EPB41L3: variants seen among roughly 807,000 people sequenced by gnomAD.
EPB41L3 encodes the protein erythrocyte membrane protein band 4.1 like 3.
In EPB41L3, 57 loss-of-function variants were observed where a neutral mutation model predicts 127.1. The observed-to-expected ratio is 0.45, with a 90% CI of 0.36 to 0.56. The LOEUF is 0.56. EPB41L3 is among the 20% of genes least tolerant of loss of function. EPB41L3 has a pLI of 0.00. For synonymous variants in EPB41L3, 572 were observed against 549.5 expected, an observed-to-expected ratio of 1.04 and a Z score of -0.57; for missense variants, 1,273 against 1,372.2, an observed-to-expected ratio of 0.93 and a Z score of 1.14.
chr18:5,504,560 G>A (rs2091997608), intron 1 of EPB41L3, among the ~76,000 whole-genome samples: 1 of 152,116 alleles, frequency 6.6e-6, no homozygotes, highest in Non-Finnish European at 1.5e-5. Context: ...TAGGAACCCA[G>A]CATTTTTACA....
At chr18:5,452,782 TTGTGTGTG>T (rs72378439) in intron 3 of EPB41L3, among the ~76,000 whole-genome samples, 32 of 150,864 alleles carry the variant, frequency 2.1e-4, no homozygotes, top group Admixed American at 5.3e-4. Context: ...TAAAAATTTG[TTGTGTGTG>T]TGTGTGTGTG....
intron 1 of EPB41L3, chr18:5,540,535 C>T (rs1598820925): frequency 1.8e-5 from 18 of 985,498 alleles, no homozygotes; most frequent in Non-Finnish European, 2.2e-5. Context: ...GAATTCCCCA[C>T]AGCCAAGGCA....
chr18:5,467,481 G>C (rs886293879), intron 3 of EPB41L3: 1 of 152,114 alleles, frequency 6.6e-6, no homozygotes, highest in Non-Finnish European at 1.5e-5. Context: ...TTATTAAAAC[G>C]GGATACCCAC....
chr18:5,497,693 C>T (rs1034373590), intron 1 of EPB41L3, among the ~76,000 whole-genome samples: 3 of 152,220 alleles, frequency 2.0e-5, no homozygotes, highest in Non-Finnish European at 2.9e-5. Flanking sequence ...ATCAGCAATA[C>T]TTCTAAAAAT....
In EPB41L3 at chr18:5,509,380, C is replaced by A. The variant is rs185226586; in HGVS notation, c.-11-20186G>T. ...CCAACTAGCTCATCAGAGGTGTCAG[C>A]GGCTGCCTATGGGTAGCAAGGTCCT... On this transcript the variant is annotated intron_variant, in intron 1 of 22. Coordinates refer to ENST00000341928, the MANE Select transcript of EPB41L3 (RefSeq NM_012307.5). Among the ~76,000 whole-genome samples, 262 of 152,288 alleles carry A rather than the reference C, an allele frequency of 1.7e-3. 1 individual carries two copies. The highest frequency in any genetic ancestry group is 0.01 in the Middle Eastern group (3 of 294).
Position 5,599,347 on chromosome 18 carries a change from G to C in EPB41L3, c.-306+12993C>G, listed in dbSNP as rs141731169. On this transcript the variant is annotated intron_variant, in intron 3 of 21. Transcript: ENST00000545076. The stretch of plus-strand genomic sequence containing the variant: ...ATATTTGAGGGGACACATTTCTTAA[G>C]GAAACGTCTCAATTCTCTGTATCCC... Among the ~76,000 whole-genome samples, 320 of 152,258 alleles carry C rather than the reference G, an allele frequency of 2.1e-3. 1 individual carries two copies. Among genetic ancestry groups the C allele is most frequent in the African/African-American group, 7.4e-3 (306 of 41,542 alleles).
intron 1 of EPB41L3, among the ~76,000 whole-genome samples, chr18:5,519,729 AC>A (rs2092909486): frequency 1.3e-5 from 2 of 152,138 alleles, no homozygotes; most frequent in African/African-American, 4.8e-5. Flanking sequence ...TCACTGATCC[AC>A]CCAGCGTGCA....
intron 10 of EPB41L3, 32 bp from the exon 11 acceptor site, chr18:5,423,585 C>CT (rs752531646): frequency 6.4e-7 from 1 of 1,566,354 alleles, no homozygotes; most frequent in Non-Finnish European, 8.7e-7. Context: ...AGCAGAAAGA[C>CT]TATTAAGTCC....
At chr18:5,611,876 T>C (rs1327433186) in intron 3 of EPB41L3, among the ~76,000 whole-genome samples, 1 of 152,038 alleles carries the variant, frequency 6.6e-6, no homozygotes, top group Non-Finnish European at 1.5e-5. Flanking sequence ...TGAGGATCAC[T>C]TGAGCCCAGG....
chr18:5,568,671 C>A (rs2094239666), intron 3 of EPB41L3, among the ~76,000 whole-genome samples: 1 of 152,136 alleles, frequency 6.6e-6, no homozygotes, highest in Non-Finnish European at 1.5e-5. Context: ...CCAAGGCATC[C>A]TCCTAGCAAT....
At chr18:5,500,045 C>T (rs2091597136) in intron 1 of EPB41L3, among the ~76,000 whole-genome samples, 1 of 151,990 alleles carries the variant, frequency 6.6e-6, no homozygotes, top group Admixed American at 6.6e-5. Flanking sequence ...TCCACTATGG[C>T]GGCTTTAAGC....
intron 2 of EPB41L3, among the ~76,000 whole-genome samples, chr18:5,486,345 A>G (rs901353987): frequency 2.0e-5 from 3 of 152,170 alleles, no homozygotes; most frequent in Non-Finnish European, 4.4e-5. Flanking sequence ...AAAATGGATT[A>G]AAGAATTAAA....
chr18:5,591,090 GA>G (rs1399266989), intron 3 of EPB41L3, among the ~76,000 whole-genome samples: 1 of 152,112 alleles, frequency 6.6e-6, no homozygotes, highest in East Asian at 1.9e-4. Flanking sequence ...ATGTCTTAAA[GA>G]GAGACAGAGG....
intron 3 of EPB41L3, among the ~76,000 whole-genome samples, chr18:5,552,320 G>A (rs1018345078): frequency 2.0e-5 from 3 of 152,172 alleles, no homozygotes; most frequent in East Asian, 1.9e-4. Context: ...CTCATCACAC[G>A]TTAAATATCG....
chr18:5,565,113 T>G (rs1250336970), intron 3 of EPB41L3, among the ~76,000 whole-genome samples: 2 of 152,036 alleles, frequency 1.3e-5, no homozygotes, highest in Non-Finnish European at 2.9e-5. Flanking sequence ...TCAGGGTTTT[T>G]GGGCTGGCCA....
intron 1 of EPB41L3, among the ~76,000 whole-genome samples, chr18:5,500,903 T>C (rs1430341759): frequency 6.6e-6 from 1 of 152,198 alleles, no homozygotes; most frequent in Non-Finnish European, 1.5e-5. Flanking sequence ...CTTTTATCTC[T>C]GTGGTTACCT....
At chr18:5,585,428 G>A (rs969989215) in intron 3 of EPB41L3, among the ~76,000 whole-genome samples, 9 of 151,958 alleles carry the variant, frequency 5.9e-5, no homozygotes, top group Admixed American at 6.6e-5. Flanking sequence ...CCCAGACTCC[G>A]GAGTAGCTGA....
intron 6 of EPB41L3, among the ~76,000 whole-genome samples, chr18:5,434,451 A>T (rs1465273785): frequency 1.3e-5 from 2 of 152,216 alleles, no homozygotes; most frequent in African/African-American, 4.8e-5. Flanking sequence ...AAGTCAAATG[A>T]ACAGTCCCCA....
intron 3 of EPB41L3, among the ~76,000 whole-genome samples, chr18:5,558,807 TA>T (rs2094078830): frequency 6.6e-6 from 1 of 151,476 alleles, no homozygotes; most frequent in East Asian, 1.9e-4. Flanking sequence ...AATACTTAAG[TA>T]AAAATACATT....
Sources: allele counts gnomAD v4.1 joint callset (sites outside exome capture counted in the v4.1 genomes callset), GRCh38; gene constraint gnomAD v4.1.1; transcripts MANE v1.5; gene names NCBI Gene and HGNC (gene_info 2026-07-23, HGNC 2026-07-21).